The following PCNX2 variants were observed in gnomAD, a reference collection of about 807,000 sequenced individuals.
The protein encoded by PCNX2 is pecanex 2, also known as pecanex-like protein 2.
A neutral mutation model predicts 223.8 loss-of-function variants in PCNX2; 168 were observed. That is an observed-to-expected ratio of 0.75 (90% confidence interval 0.66 to 0.85). PCNX2 has a LOEUF of 0.85. Among genes scored for constraint, PCNX2 ranks in the 40% least tolerant of loss-of-function variants. PCNX2 has a pLI of 0.00. For missense variants in PCNX2, 2,507 were observed against 2,675.5 expected (o/e 0.94, Z 1.39); for synonymous variants, 1,006 against 1,052.6 (o/e 0.96, Z 0.86).
rs1676959620 is a variant in PCNX2, at chr1:233,139,073, T to C, written c.3659+641A>G. Among the ~76,000 whole-genome samples, 1 of 152,240 alleles carries C rather than the reference T, an allele frequency of 6.6e-6. No individual in the cohort carries two copies. The highest frequency in any genetic ancestry group is 1.5e-5 in the Non-Finnish European group (1 of 68,050). ...TATCCTCCTACTCTAACAACTTCTT[T>C]GACCAGCAACTTTTGCCTTTCATCA... On this transcript the variant is annotated intron_variant, in intron 20 of 33. Coordinates refer to ENST00000258229, the MANE Select transcript of PCNX2 (RefSeq NM_014801.4). This position sits in a 1 kb window ranked among gnomAD's most constrained non-coding sequence, Gnocchi z 4.4.
intron 5 of PCNX2, among the ~76,000 whole-genome samples, chr1:233,256,830 A>G (rs1311914240): frequency 6.6e-6 from 1 of 152,188 alleles, no homozygotes; most frequent in African/African-American, 2.4e-5. Context: ...GTTTAACTGA[A>G]TCAGAAAAAA....
At chr1:233,250,545 A>C in intron 8 of PCNX2, 194 bp downstream of exon 8, 1 of 984,314 alleles carries the variant, frequency 1.0e-6, no homozygotes. Flanking sequence ...AGCAGCAACA[A>C]TGAAAATGGT....
At chr1:233,006,847 G>A (rs1359379822) in intron 28 of PCNX2, among the ~76,000 whole-genome samples, 1 of 152,136 alleles carries the variant, frequency 6.6e-6, no homozygotes, top group African/African-American at 2.4e-5. Flanking sequence ...TGCAGGCTGG[G>A]TGTCCCATGT....
At chr1:233,118,605 A>G (rs1318649370) in intron 21 of PCNX2, among the ~76,000 whole-genome samples, 2 of 152,114 alleles carry the variant, frequency 1.3e-5, no homozygotes, top group Middle Eastern at 3.2e-3. Context: ...AATTAAACAT[A>G]CAATTCAATT....
chr1:233,316,955 T>C, the PCNX2 span, among the ~76,000 whole-genome samples: 1 of 152,240 alleles, frequency 6.6e-6, no homozygotes, highest in Non-Finnish European at 1.5e-5. Context: ...TTATTCACCA[T>C]TATATTCCAA....
intron 7 of PCNX2, among the ~76,000 whole-genome samples, chr1:233,251,115 T>C (rs578224142): frequency 2.6e-5 from 4 of 152,340 alleles, no homozygotes; most frequent in African/African-American, 7.2e-5. Flanking sequence ...TTGCTTTTGA[T>C]AGACTTATTT....
At chr1:233,146,245 G>A (rs561200730) in intron 19 of PCNX2, among the ~76,000 whole-genome samples, 23 of 152,160 alleles carry the variant, frequency 1.5e-4, no homozygotes, top group African/African-American at 5.3e-4. Context: ...AATTTGTTAA[G>A]GGTAGGTACT....
intron 19 of PCNX2, among the ~76,000 whole-genome samples, chr1:233,141,717 CTGTG>C (rs201516662): frequency 6.6e-6 from 1 of 150,866 alleles, no homozygotes; most frequent in Non-Finnish European, 1.5e-5. Context: ...ATATATATAT[CTGTG>C]TGTGTAAATG....
At chr1:233,320,392 T>C in the PCNX2 span, among the ~76,000 whole-genome samples, 4 of 152,104 alleles carry the variant, frequency 2.6e-5, no homozygotes, top group Admixed American at 2.6e-4. Flanking sequence ...TCTATGTGAT[T>C]TTATCACATA....
intron 1 of PCNX2, among the ~76,000 whole-genome samples, chr1:233,268,645 G>C (rs546508365): frequency 1.3e-5 from 2 of 152,280 alleles, no homozygotes; most frequent in South Asian, 4.1e-4. Context: ...CAACTTCAAT[G>C]ACCTGACTGA....
At chr1:233,125,653 A>G (rs983831113) in intron 21 of PCNX2, among the ~76,000 whole-genome samples, 3 of 152,186 alleles carry the variant, frequency 2.0e-5, no homozygotes, top group Non-Finnish European at 2.9e-5. Flanking sequence ...TGAACATGTG[A>G]CACAAAACGT....
At chr1:233,015,620 G>C (rs1002813202) in intron 27 of PCNX2, among the ~76,000 whole-genome samples, 40 of 152,214 alleles carry the variant, frequency 2.6e-4, no homozygotes, top group African/African-American at 9.2e-4. Context: ...TGGAACCCGG[G>C]GGGCAGAGGC....
chr1:233,145,908 G>A, intron 19 of PCNX2, among the ~76,000 whole-genome samples: 1 of 152,244 alleles, frequency 6.6e-6, no homozygotes, highest in East Asian at 1.9e-4. Flanking sequence ...GCCAGACATT[G>A]AGCCAGGTGC....
Position 233,252,660 on chromosome 1 carries a change from G to A in PCNX2, c.1963C>T (p.Pro655Ser). Residue 655 changes from proline (P) to serine (S), a missense_variant, in exon 6 of 34, where the codon CCT becomes TCT. By Grantham distance (74) the Pro-to-Ser change is moderately conservative (BLOSUM62 -1). This residue lies in a region of PCNX2 where 1,031 missense variants were observed against 1,021.7 expected (regional missense o/e 1.01). Coordinates refer to ENST00000258229, the MANE Select transcript of PCNX2 (RefSeq NM_014801.4). ...HTSTGPACTQ[P>S]AKTTAFFQGN... Reference sequence around the variant, plus strand: ...CCTTACAAGGCTGTGGTCTTGGCAGGCTGAGTGCATGCGGGGCCGGTGCTA... The same window carrying A: ...CCTTACAAGGCTGTGGTCTTGGCAGACTGAGTGCATGCGGGGCCGGTGCTA... 1 of 1,612,830 alleles carries A rather than the reference G, an allele frequency of 6.2e-7. No homozygotes were observed.
At chr1:233,293,092 C>T (rs1164869527) in intron 1 of PCNX2, among the ~76,000 whole-genome samples, 1 of 152,022 alleles carries the variant, frequency 6.6e-6, no homozygotes, top group East Asian at 1.9e-4. Flanking sequence ...TCAAGCTACT[C>T]AATAAAGCAT....
chr1:233,211,666 G>C (rs961014837), intron 12 of PCNX2: 1 of 546,598 alleles, frequency 1.8e-6, no homozygotes, highest in Admixed American at 6.4e-5. Flanking sequence ...GGCAGAGTAA[G>C]GACTGGAGCC....
At chr1:233,044,260 T>G (rs1671748861) in intron 25 of PCNX2, among the ~76,000 whole-genome samples, 1 of 152,112 alleles carries the variant, frequency 6.6e-6, no homozygotes, top group East Asian at 1.9e-4. Flanking sequence ...GGATTGTTTG[T>G]TTTTTTCTTG....
intron 21 of PCNX2, among the ~76,000 whole-genome samples, chr1:233,106,343 C>A (rs1471029948): frequency 2.0e-5 from 3 of 150,712 alleles, no homozygotes; most frequent in Non-Finnish European, 4.4e-5. Flanking sequence ...TTCCTCTCCT[C>A]CCTCTTTTTT....
At chr1:233,180,131 G>A (rs751802673) in intron 15 of PCNX2, among the ~76,000 whole-genome samples, 2 of 152,142 alleles carry the variant, frequency 1.3e-5, no homozygotes, top group Non-Finnish European at 2.9e-5. Context: ...ATTTATGTTC[G>A]AGTGCTATTT....
Sources: gnomAD v4.1 joint callset for allele counts (sites outside exome capture counted in the v4.1 genomes callset) on GRCh38, gnomAD v4.1.1 for gene constraint, gnomAD v4.1.1 regional missense constraint, Gnocchi (gnomAD v3.1) non-coding constraint, MANE v1.5 for transcripts, NCBI Gene and HGNC (gene_info 2026-07-23, HGNC 2026-07-21) for gene names.